Variants in MTUS2 observed in about 807,000 individuals in gnomAD.
The protein encoded by MTUS2 is microtubule associated scaffold protein 2.
Under a neutral mutation model 114.1 loss-of-function variants are expected in MTUS2, and 40 were observed. The ratio of observed to expected loss-of-function variants is 0.35; its 90% CI spans 0.27 to 0.46. The LOEUF is 0.46. MTUS2 is among the 20% of genes least tolerant of loss of function. The pLI is 1.00. For missense variants in MTUS2, 1,679 were observed against 1,705.4 expected (o/e 0.98, Z 0.27); for synonymous variants, 688 against 672.0 (o/e 1.02, Z -0.37).
chr13:29,457,049 G>A (rs1476057421), intron 9 of MTUS2, among the ~76,000 whole-genome samples: 2 of 151,692 alleles, frequency 1.3e-5, no homozygotes, highest in Non-Finnish European at 2.9e-5. Flanking sequence ...GGAGGCTGAG[G>A]CAGGAGAATG....
At chr13:29,395,360 A>G (rs1004230111) in intron 8 of MTUS2, among the ~76,000 whole-genome samples, 9 of 152,180 alleles carry the variant, frequency 5.9e-5, no homozygotes, top group Admixed American at 4.6e-4. Context: ...GGTGAAAGAT[A>G]AAGTTGGGAT....
chr13:28,896,950 T>C (rs1282905681), intron 2 of MTUS2, among the ~76,000 whole-genome samples: 1 of 152,158 alleles, frequency 6.6e-6, no homozygotes, highest in African/African-American at 2.4e-5. Context: ...ATAAAAACCC[T>C]AGAAGAAAAC....
intron 4 of MTUS2, among the ~76,000 whole-genome samples, chr13:29,068,624 T>C (rs981280863): frequency 5.3e-5 from 8 of 152,170 alleles, no homozygotes; most frequent in African/African-American, 1.9e-4. Context: ...ACATTGGAGA[T>C]GAATTCAACC....
chr13:29,092,730 A>C (rs1211093160), intron 4 of MTUS2, among the ~76,000 whole-genome samples: 1 of 148,032 alleles, frequency 6.8e-6, no homozygotes, highest in Non-Finnish European at 1.5e-5. Context: ...CTGGGCAGAG[A>C]CGTCATTGGC....
In MTUS2 at chr13:29,480,110, C is replaced by T. The variant is rs1349724327; in HGVS notation, c.3185-40C>T. 1.4e-5 allele frequency: 21 copies of T among 1,546,366 alleles called. No individual in the cohort carries two copies. The highest frequency in any genetic ancestry group is 9.8e-5 in the East Asian group (4 of 40,880). ...GGCTGAGTCCTTCCCATGCCTCCTA[C>T]GGCCATTTTTTAAAGAAAGATCTTG... On this transcript the variant is annotated intron_variant, in intron 9 of 15. Transcript: ENST00000612955. This position sits in a 1 kb window ranked among gnomAD's most constrained non-coding sequence, Gnocchi z 4.4.
chr13:28,912,862 T>A (rs1880525049), intron 2 of MTUS2, among the ~76,000 whole-genome samples: 1 of 151,316 alleles, frequency 6.6e-6, no homozygotes, highest in Non-Finnish European at 1.5e-5. Flanking sequence ...TTTTTGCACA[T>A]TTTTAAAAAA....
At chr13:29,452,638 C>T (rs1176618341) in intron 9 of MTUS2, among the ~76,000 whole-genome samples, 1 of 150,682 alleles carries the variant, frequency 6.6e-6, no homozygotes, top group Non-Finnish European at 1.5e-5. Context: ...GAGACAGGGT[C>T]TCACTGTGTT....
rs145692837 is a variant in MTUS2, at chr13:28,952,560, T to C, written c.-242-71897T>C. Reference sequence around the variant, plus strand: ...ACTTTCTCTTCTGTCATCTTATCTCTCATCATGCTTGGTAACCCACGTGAA... The same window carrying C: ...ACTTTCTCTTCTGTCATCTTATCTCCCATCATGCTTGGTAACCCACGTGAA... On this transcript the variant is annotated intron_variant, in intron 2 of 15. Coordinates refer to ENST00000612955, the MANE Select transcript of MTUS2 (RefSeq NM_001033602.4). Among the ~76,000 whole-genome samples the C allele has an allele frequency of 5.8e-3, 885 of 152,336 alleles. 5 individuals are homozygous for C. Among genetic ancestry groups the C allele is most frequent in the African/African-American group, 0.019 (808 of 41,572 alleles).
intron 5 of MTUS2, among the ~76,000 whole-genome samples, chr13:29,110,547 GA>G (rs5802506): frequency 0.97 from 147,834 of 152,224 alleles, 71,872 homozygotes; most frequent in Non-Finnish European, 0.99. Flanking sequence ...TTCTTTACAA[GA>G]AAAAAAATGG....
At chr13:29,391,327 C>G (rs1244010981) in intron 8 of MTUS2, among the ~76,000 whole-genome samples, 3 of 152,176 alleles carry the variant, frequency 2.0e-5, no homozygotes, top group Admixed American at 6.5e-5. Flanking sequence ...CTTCTGAGAA[C>G]TATCTGAGGG....
intron 2 of MTUS2, among the ~76,000 whole-genome samples, chr13:28,987,816 G>A (rs1884657526): frequency 6.6e-6 from 1 of 152,206 alleles, no homozygotes; most frequent in Non-Finnish European, 1.5e-5. Flanking sequence ...CTTTAATGCT[G>A]CACAACTGTA....
intron 7 of MTUS2, among the ~76,000 whole-genome samples, chr13:29,345,036 TGATA>T (rs1868528347): frequency 6.6e-6 from 1 of 152,230 alleles, no homozygotes; most frequent in Middle Eastern, 3.2e-3. Flanking sequence ...GCTGTTAATC[TGATA>T]GATGTTCCTT....
chr13:28,884,694 TG>T (rs1451666358), intron 2 of MTUS2, among the ~76,000 whole-genome samples: 1 of 152,210 alleles, frequency 6.6e-6, no homozygotes, highest in Non-Finnish European at 1.5e-5. Flanking sequence ...TGCAGTTTTC[TG>T]GTTTGATATT....
intron 8 of MTUS2, among the ~76,000 whole-genome samples, chr13:29,416,897 T>C (rs1047411715): frequency 6.6e-6 from 1 of 152,214 alleles, no homozygotes; most frequent in Non-Finnish European, 1.5e-5. Flanking sequence ...TTAGAGTTGC[T>C]ATCTCTGGGT....
intron 2 of MTUS2, among the ~76,000 whole-genome samples, chr13:28,844,161 A>G (rs1347866161): frequency 6.6e-6 from 1 of 152,220 alleles, no homozygotes; most frequent in Non-Finnish European, 1.5e-5. Flanking sequence ...CTGAGCTCAC[A>G]TCAGCCATTT....
chr13:28,950,848 A>C (rs1882775598), intron 2 of MTUS2, among the ~76,000 whole-genome samples: 1 of 152,242 alleles, frequency 6.6e-6, no homozygotes, highest in Non-Finnish European at 1.5e-5. Context: ...TGAAGTGAGC[A>C]CATGTGCCAT....
At chr13:28,967,421 C>G (rs1281885365) in intron 2 of MTUS2, among the ~76,000 whole-genome samples, 1 of 152,118 alleles carries the variant, frequency 6.6e-6, no homozygotes, top group Admixed American at 6.5e-5. Context: ...TCTACCCCAC[C>G]TATATCCCTG....
At chr13:29,369,956 A>G (rs988114201) in intron 8 of MTUS2, among the ~76,000 whole-genome samples, 12 of 152,234 alleles carry the variant, frequency 7.9e-5, no homozygotes, top group African/African-American at 2.9e-4. Context: ...AGAAACAAAC[A>G]AGTGCAATAA....
rs551780479 is a variant in MTUS2, at chr13:29,202,618, G to A, written c.2645-79086G>A. The stretch of plus-strand genomic sequence containing the variant: ...TTTTTGGAATTTTCAGCCTTTTTGC[G>A]CTGGTTTTTCCTCATCTTCATGGAT... On this transcript the variant is annotated intron_variant, in intron 5 of 15. Coordinates refer to ENST00000612955, the MANE Select transcript of MTUS2 (RefSeq NM_001033602.4). 3.4e-4 allele frequency among the ~76,000 whole-genome samples: 52 copies of A among 152,236 alleles called. 1 individual carries two copies. Among genetic ancestry groups the A allele is most frequent in the Admixed American group, 2.7e-3 (42 of 15,296 alleles).
Sources: allele counts gnomAD v4.1 joint callset (sites outside exome capture counted in the v4.1 genomes callset), GRCh38; gene constraint gnomAD v4.1.1; non-coding constraint Gnocchi (gnomAD v3.1); transcripts MANE v1.5; gene names NCBI Gene and HGNC (gene_info 2026-07-23, HGNC 2026-07-21).